The following NRXN1 variants were observed in gnomAD, a reference collection of about 807,000 sequenced individuals.
NRXN1 encodes neurexin-1.
Under a neutral mutation model 150.9 loss-of-function variants are expected in NRXN1, and 39 were observed. The ratio of observed to expected loss-of-function variants is 0.26; its 90% CI spans 0.20 to 0.34. The LOEUF (loss-of-function observed/expected upper bound fraction) is 0.34, where lower values mean the gene tolerates loss of function less well. Among genes scored for constraint, NRXN1 ranks in the 10% least tolerant of loss-of-function variants. NRXN1 has a pLI of 1.00. For synonymous variants in NRXN1, 924 were observed against 757.0 expected, an observed-to-expected ratio of 1.22 and a Z score of -3.62; for missense variants, 1,815 against 1,949.9, an observed-to-expected ratio of 0.93 and a Z score of 1.30.
At chr2:50,435,899 C>T (rs1232622490) in intron 17 of NRXN1, among the ~76,000 whole-genome samples, 1 of 151,960 alleles carries the variant, frequency 6.6e-6, no homozygotes, top group Non-Finnish European at 1.5e-5. Context: ...ACCAAAACCC[C>T]GTGACACACA....
At chr2:50,654,514 G>C (rs1249066147) in intron 5 of NRXN1, among the ~76,000 whole-genome samples, 1 of 151,992 alleles carries the variant, frequency 6.6e-6, no homozygotes, top group African/African-American at 2.4e-5. Context: ...CTTTATAGCA[G>C]CATGATTTAT....
At chr2:50,876,673 A>T (rs1678639131) in intron 5 of NRXN1, among the ~76,000 whole-genome samples, 1 of 151,872 alleles carries the variant, frequency 6.6e-6, no homozygotes, top group South Asian at 2.1e-4. Context: ...GAGATCAAAT[A>T]TGCCAGTTTA....
At chr2:49,993,121 C>T (rs529479914) in intron 21 of NRXN1, among the ~76,000 whole-genome samples, 35 of 152,246 alleles carry the variant, frequency 2.3e-4, no homozygotes, top group African/African-American at 7.0e-4. Context: ...ATGCTTATAG[C>T]GGCTTTATTT....
chr2:50,099,255 T>C (rs1191551819), intron 18 of NRXN1, among the ~76,000 whole-genome samples: 1 of 152,088 alleles, frequency 6.6e-6, no homozygotes, highest in African/African-American at 2.4e-5. Context: ...TAAAAACAAC[T>C]TTAGGGTAGG....
chr2:50,298,382 T>G (rs994964401), intron 17 of NRXN1, among the ~76,000 whole-genome samples: 9 of 152,206 alleles, frequency 5.9e-5, no homozygotes, highest in Non-Finnish European at 1.3e-4. Flanking sequence ...TGCCTCAGTT[T>G]GATGACAGCT....
rs142348836 is a variant in NRXN1, at chr2:50,973,593, TA to T, written c.773-47639del. Among the ~76,000 whole-genome samples, 9 of 152,230 alleles carry T rather than the reference TA, an allele frequency of 5.9e-5. No individual in the cohort carries two copies. In the East Asian group the frequency reaches 1.2e-3, roughly 20 times the overall value. ...TTATATGTAACAAAAGAGTTACATA[TA>T]GAGTATATGTATATAGAGTATAGAA... On this transcript the variant is annotated intron_variant, in intron 2 of 22. Transcript: ENST00000401669.
At chr2:50,257,542 G>C (rs536679832) in intron 17 of NRXN1, among the ~76,000 whole-genome samples, 2 of 152,050 alleles carry the variant, frequency 1.3e-5, no homozygotes, top group South Asian at 4.2e-4. Context: ...AAGGGCCTAG[G>C]AGTCATCTAT....
At chr2:50,219,421 C>T (rs1000312013) in intron 18 of NRXN1, among the ~76,000 whole-genome samples, 1 of 150,672 alleles carries the variant, frequency 6.6e-6, no homozygotes, top group Non-Finnish European at 1.5e-5. Flanking sequence ...AATAATTTGT[C>T]CTCAAGTCTA....
rs1459565326 is a variant in NRXN1 at position 51,029,193 on chromosome 2, A to G, written c.-920T>C. On this transcript the variant is annotated splice_region_variant and 5_prime_UTR_variant, in exon 2 of 23. The change abolishes an upstream ATG in the 5' untranslated region. Coordinates refer to ENST00000401669, the MANE Select transcript of NRXN1 (RefSeq NM_001330078.2). ...TCTTGTCTTTTTTAAGGACTCAGAC[A>G]TCTGCAGAGAATTAAAGTCAAAATT... 6.6e-6 allele frequency: 1 copy of G among 152,248 alleles called. No individual in the cohort carries two copies. The highest frequency in any genetic ancestry group is 2.4e-5 in the African/African-American group (1 of 41,466). The allele number at this position is 152,248 out of a possible 1,614,324, so 9.4% of individuals were successfully genotyped here. A position where few individuals can be genotyped will look rare whatever the true frequency, so the allele number is the denominator to read the frequency against.
chr2:50,431,093 T>A (rs1210057352), intron 17 of NRXN1, among the ~76,000 whole-genome samples: 1 of 152,220 alleles, frequency 6.6e-6, no homozygotes, highest in Non-Finnish European at 1.5e-5. Context: ...CTCATACCCG[T>A]GACATCTTAT....
At chr2:50,063,818 A>G (rs545459551) in intron 19 of NRXN1, among the ~76,000 whole-genome samples, 36 of 152,244 alleles carry the variant, frequency 2.4e-4, no homozygotes, top group African/African-American at 8.4e-4. Context: ...TGTCTTGTTC[A>G]ATGCTGTACG....
chr2:50,948,783 G>A (rs993728093), intron 2 of NRXN1, among the ~76,000 whole-genome samples: 1 of 151,984 alleles, frequency 6.6e-6, no homozygotes, highest in Non-Finnish European at 1.5e-5. Context: ...ATACCACACT[G>A]CATAGAGCTT....
chr2:50,798,826 T>C (rs1043115032), intron 5 of NRXN1, among the ~76,000 whole-genome samples: 1 of 152,228 alleles, frequency 6.6e-6, no homozygotes, highest in Non-Finnish European at 1.5e-5. Context: ...TAAATTCAAA[T>C]TTTAACCTTT....
intron 8 of NRXN1, among the ~76,000 whole-genome samples, chr2:50,608,289 T>C (rs1356615940): frequency 6.6e-6 from 1 of 152,210 alleles, no homozygotes; most frequent in Non-Finnish European, 1.5e-5. Flanking sequence ...TGACGTACTC[T>C]AGCTCAGTGA....
At chr2:50,300,922 C>A (rs2074089575) in intron 17 of NRXN1, among the ~76,000 whole-genome samples, 1 of 152,136 alleles carries the variant, frequency 6.6e-6, no homozygotes, top group Non-Finnish European at 1.5e-5. Context: ...TCTCGAACTC[C>A]TGACCTCAGG....
intron 5 of NRXN1, among the ~76,000 whole-genome samples, chr2:50,920,371 A>C (rs1685830544): frequency 6.6e-6 from 1 of 151,804 alleles, no homozygotes; most frequent in African/African-American, 2.4e-5. Flanking sequence ...GCTGAGTATA[A>C]ACATGAACTA....
intron 2 of NRXN1, among the ~76,000 whole-genome samples, chr2:50,952,550 T>C (rs990108320): frequency 2.6e-5 from 4 of 152,184 alleles, no homozygotes; most frequent in Non-Finnish European, 4.4e-5. Flanking sequence ...GTTGGAGATA[T>C]AGAGGTAAAC....
chr2:50,878,944 G>GT, intron 5 of NRXN1, among the ~76,000 whole-genome samples: 1 of 151,840 alleles, frequency 6.6e-6, no homozygotes, highest in South Asian at 2.1e-4. Flanking sequence ...TTTGTTTTTT[G>GT]TTTTTTAGAG....
intron 2 of NRXN1, chr2:51,026,516 G>T: frequency 7.8e-7 from 1 of 1,277,996 alleles, no homozygotes; most frequent in Non-Finnish European, 1.1e-6. Context: ...GTAGTTTAAT[G>T]CCACACTGTT....
Sources: allele counts gnomAD v4.1 joint callset (sites outside exome capture counted in the v4.1 genomes callset), GRCh38; gene constraint gnomAD v4.1.1; transcripts MANE v1.5; gene names NCBI Gene and HGNC (gene_info 2026-07-23, HGNC 2026-07-21).